NUGGC: variants seen among roughly 807,000 people sequenced by gnomAD.
NUGGC encodes the protein nuclear GTPase SLIP-GC.
In NUGGC, 58 loss-of-function variants were observed where a neutral mutation model predicts 92.6. The ratio of observed to expected loss-of-function variants is 0.63; its 90% confidence interval spans 0.51 to 0.78. NUGGC has a LOEUF of 0.78. NUGGC is among the 30% of genes least tolerant of loss of function. NUGGC has a pLI of 0.00. For synonymous variants in NUGGC, 376 were observed against 366.4 expected, an observed-to-expected ratio of 1.03 and a Z score of -0.30; for missense variants, 925 against 964.6, an observed-to-expected ratio of 0.96 and a Z score of 0.54.
chr8:28,074,182 A>G (rs1810662791), intron 2 of NUGGC, among the ~76,000 whole-genome samples, 186 bp downstream of exon 2: 1 of 151,426 alleles, frequency 6.6e-6, no homozygotes, highest in South Asian at 2.1e-4. Context: ...TGAACAGGTT[A>G]TTTCAGTTAC....
Position 28,023,104 on chromosome 8 carries a change from G to A in NUGGC, c.*213C>T, listed in dbSNP as rs917385014. On this transcript the variant is annotated 3_prime_UTR_variant, in exon 19 of 19. Coordinates refer to ENST00000413272, the MANE Select transcript of NUGGC (RefSeq NM_001010906.2). Reference sequence around the variant, plus strand: ...AAAAAAAAAATTACCCAGGTGTGGTGGCCTGTACCTGTAGCCCCAGCTGCT... The same window carrying A: ...AAAAAAAAAATTACCCAGGTGTGGTAGCCTGTACCTGTAGCCCCAGCTGCT... 5 of 485,508 alleles carry A rather than the reference G, an allele frequency of 1.0e-5. No homozygotes were observed. The highest frequency in any genetic ancestry group is 9.8e-5 in the African/African-American group (5 of 50,926). The allele number at this position is 485,508 out of a possible 1,614,324, so 30.1% of individuals were successfully genotyped here.
intron 11 of NUGGC, among the ~76,000 whole-genome samples, chr8:28,045,916 G>C (rs1809821360): frequency 6.6e-6 from 1 of 152,296 alleles, no homozygotes; most frequent in African/African-American, 2.4e-5. Flanking sequence ...ACATGGAAAA[G>C]TACAGGCTAG....
chr8:28,039,188 T>G (rs1809630445), intron 13 of NUGGC, among the ~76,000 whole-genome samples: 1 of 151,822 alleles, frequency 6.6e-6, no homozygotes, highest in Non-Finnish European at 1.5e-5. Flanking sequence ...GAGAATCTCC[T>G]CCTTTCCTTT....
At chr8:28,043,240 C>A (rs1809744777) in intron 12 of NUGGC, among the ~76,000 whole-genome samples, 1 of 151,550 alleles carries the variant, frequency 6.6e-6, no homozygotes, top group Admixed American at 6.6e-5. Flanking sequence ...AATAAAAGAA[C>A]AATAAGAAAC....
At chr8:28,040,090 T>G (rs2130117410) in intron 13 of NUGGC, among the ~76,000 whole-genome samples, 1 of 152,282 alleles carries the variant, frequency 6.6e-6, no homozygotes, top group East Asian at 1.9e-4. Flanking sequence ...TGCTGACACC[T>G]TGATCTTGGA....
chr8:28,068,486 G>A, intron 4 of NUGGC, 48 bp from the exon 5 acceptor site: 1 of 1,308,230 alleles, frequency 7.6e-7, no homozygotes, highest in Non-Finnish European at 1.1e-6. Context: ...AAAGTTTAGA[G>A]TGAAGAGCAT....
At chr8:28,052,306 G>GC (rs1360326894) in intron 10 of NUGGC, among the ~76,000 whole-genome samples, 1 of 152,168 alleles carries the variant, frequency 6.6e-6, no homozygotes, top group African/African-American at 2.4e-5. Context: ...GGTTGTCACT[G>GC]CCTGTGTGTT....
At chr8:28,051,804 C>A (rs947748902) in intron 10 of NUGGC, among the ~76,000 whole-genome samples, 3 of 152,130 alleles carry the variant, frequency 2.0e-5, no homozygotes, top group African/African-American at 7.2e-5. Context: ...TGCCTGTAAT[C>A]CCAGCTACTT....
chr8:28,074,396 C>A lies in NUGGC; in HGVS notation c.15G>T (p.Lys5Asn). 1 of 1,613,744 alleles carries A rather than the reference C, an allele frequency of 6.2e-7. No individual in the cohort carries two copies. The highest frequency in any genetic ancestry group is 8.5e-7 in the Non-Finnish European group (1 of 1,179,722). The change falls in exon 2 of 19, where the codon AAG becomes AAT. Residue 5 changes from lysine (K) to asparagine (N), a missense_variant. Transcript: ENST00000413272. MAET[K>N]DVFGQEPHPV... ...GATGCGGTTCCTGGCCAAAAACATC[C>A]TTCGTTTCTGCCATTCCTTGTTACG...
At chr8:28,052,143 C>T (rs759872912) in intron 10 of NUGGC, among the ~76,000 whole-genome samples, 11 of 152,194 alleles carry the variant, frequency 7.2e-5, no homozygotes, top group Non-Finnish European at 1.2e-4. Context: ...AAATCCATAA[C>T]TACATTGTGA....
chr8:28,043,901 A>T (rs1809761612), intron 12 of NUGGC, among the ~76,000 whole-genome samples: 1 of 152,220 alleles, frequency 6.6e-6, no homozygotes, highest in Admixed American at 6.5e-5. Context: ...CAAATAAGAA[A>T]ATCTCAGATT....
intron 2 of NUGGC, 93 bp from the exon 3 acceptor site, chr8:28,070,449 C>T: frequency 1.5e-6 from 1 of 676,478 alleles, no homozygotes; most frequent in Non-Finnish European, 2.5e-6. Flanking sequence ...AAGGGTCTAA[C>T]AGACTGGCTG....
intron 2 of NUGGC, among the ~76,000 whole-genome samples, chr8:28,073,178 CTTTTTTT>C (rs34656742): frequency 7.5e-6 from 1 of 132,832 alleles, no homozygotes; most frequent in Non-Finnish European, 1.6e-5. Flanking sequence ...ATTTTTTTTT[CTTTTTTT>C]TTTTTTTTCC....
intron 12 of NUGGC, among the ~76,000 whole-genome samples, chr8:28,042,465 GC>G (rs1809724274): frequency 6.6e-6 from 1 of 152,168 alleles, no homozygotes; most frequent in African/African-American, 2.4e-5. Flanking sequence ...TCAATCTTGT[GC>G]CCTCTGGGCC....
chr8:28,078,791 CCTT>C (rs1189897236), intron 1 of NUGGC, among the ~76,000 whole-genome samples: 1 of 152,094 alleles, frequency 6.6e-6, no homozygotes, highest in Non-Finnish European at 1.5e-5. Context: ...GGAGTATAGT[CCTT>C]CTTCAAATCA....
At chr8:28,038,761 G>A (rs1024340492) in intron 13 of NUGGC, among the ~76,000 whole-genome samples, 4 of 152,176 alleles carry the variant, frequency 2.6e-5, no homozygotes, top group Non-Finnish European at 5.9e-5. Context: ...TTTAGGAGAC[G>A]CAACAGGTGA....
chr8:28,035,769 C>G (rs902884693), intron 13 of NUGGC, among the ~76,000 whole-genome samples: 2 of 152,208 alleles, frequency 1.3e-5, no homozygotes, highest in African/African-American at 4.8e-5. Flanking sequence ...TGGTGGCTGC[C>G]TAGCACAGTC....
At chr8:28,080,990 T>C (rs1239017367) in intron 1 of NUGGC, among the ~76,000 whole-genome samples, 1 of 151,362 alleles carries the variant, frequency 6.6e-6, no homozygotes, top group Non-Finnish European at 1.5e-5. Context: ...TCTCCACATA[T>C]AGGATAGAAT....
At chr8:28,046,351 A>T (rs537620385) in intron 11 of NUGGC, among the ~76,000 whole-genome samples, 7 of 152,294 alleles carry the variant, frequency 4.6e-5, no homozygotes, top group South Asian at 4.1e-4. Flanking sequence ...AGTCAAATGC[A>T]TGCACGTTGC....
Sources: gnomAD v4.1 joint callset for allele counts (sites outside exome capture counted in the v4.1 genomes callset) on GRCh38, gnomAD v4.1.1 for gene constraint, MANE v1.5 for transcripts, NCBI Gene and HGNC (gene_info 2026-07-23, HGNC 2026-07-21) for gene names.